ERBIN: variants seen among roughly 807,000 people sequenced by gnomAD.
The protein encoded by ERBIN is erbb2 interacting protein.
In ERBIN, 60 loss-of-function variants were observed where a neutral mutation model predicts 158.4. That is an observed-to-expected ratio of 0.38 (90% CI 0.31 to 0.47). ERBIN has a LOEUF of 0.47. Among genes scored for constraint, ERBIN ranks in the 20% least tolerant of loss-of-function variants. The probability of loss-of-function intolerance (pLI) is 0.99; values close to 1 mark genes in which losing one functional copy is unlikely to be tolerated. For synonymous variants in ERBIN, 594 were observed against 557.2 expected, an observed-to-expected ratio of 1.07 and a Z score of -0.93; for missense variants, 1,610 against 1,648.0, an observed-to-expected ratio of 0.98 and a Z score of 0.40.
intron 18 of ERBIN, among the ~76,000 whole-genome samples, chr5:66,047,759 A>G (rs1236653100): frequency 6.6e-6 from 1 of 152,024 alleles, no homozygotes; most frequent in Non-Finnish European, 1.5e-5. Flanking sequence ...ATATCACTCA[A>G]TACGCTATGG....
In ERBIN at chr5:66,025,777, T is replaced by C; in HGVS notation, c.891-71T>C. 4 of 1,125,720 alleles carry C rather than the reference T, an allele frequency of 3.6e-6. No individual in the cohort carries two copies. In the South Asian group the frequency reaches 7.4e-5, roughly 21 times the overall value. The allele number at this position is 1,125,720 out of a possible 1,614,324, so 69.7% of individuals were successfully genotyped here. On this transcript the variant is annotated intron_variant, in intron 11 of 25. Transcript: ENST00000284037. Reference sequence around the variant, plus strand: ...TCAAAGTCAAGTTCAAATGTTTATATGTTCTGAAATTTTGGATTATATATA... The same window carrying C: ...TCAAAGTCAAGTTCAAATGTTTATACGTTCTGAAATTTTGGATTATATATA...
At chr5:66,005,082 CTATA>C (rs761842113) in intron 4 of ERBIN, among the ~76,000 whole-genome samples, 1 of 144,518 alleles carries the variant, frequency 6.9e-6, no homozygotes, top group African/African-American at 2.8e-5. Flanking sequence ...TTTAATCTGT[CTATA>C]TATATATATA....
Position 66,075,189 on chromosome 5 carries a change from C to G in ERBIN, c.3922C>G (p.His1308Asp), listed in dbSNP as rs764905500. 6 of 1,614,132 alleles carry G rather than the reference C, an allele frequency of 3.7e-6. No homozygotes were observed. The highest frequency in any genetic ancestry group is 5.1e-6 in the Non-Finnish European group (6 of 1,180,032). Residue 1308 changes from histidine to aspartate, a missense_variant, in exon 23 of 26, where the codon CAT becomes GAT. This residue lies in a region of ERBIN where 1,014 missense variants were observed against 936.1 expected (regional missense o/e 1.08). Transcript: ENST00000284037. ...CCACCAGCCTCCATATACACAGCCC[C>G]ATTGTTCTCCTAGACAAGGCCATGA... is the stretch of plus-strand genomic sequence containing the variant. ...VAHQPPYTQPHCSPRQGHELA... is the reference protein window; with the variant it reads ...VAHQPPYTQPDCSPRQGHELA...
At chr5:66,055,075 C>G (rs1759457431) in intron 21 of ERBIN, 124 bp downstream of exon 21, 2 of 1,421,016 alleles carry the variant, frequency 1.4e-6, no homozygotes, top group Non-Finnish European at 1.8e-6. Flanking sequence ...TTCTCTGGTA[C>G]TGGGAATAGA....
At chr5:65,949,537 T>G (rs1488948956) in intron 1 of ERBIN, among the ~76,000 whole-genome samples, 2 of 152,240 alleles carry the variant, frequency 1.3e-5, no homozygotes, top group African/African-American at 2.4e-5. Context: ...CAGCTAATGT[T>G]CAGCCATTCC....
rs978625851 is a variant in ERBIN at position 65,972,853 on chromosome 5, T to C, written c.-57-15782T>C. Among the ~76,000 whole-genome samples the C allele has an allele frequency of 2.3e-4, 35 of 151,350 alleles. 3 individuals are homozygous for C. The highest frequency in any genetic ancestry group is 8.6e-4 in the African/African-American group (35 of 40,668). On this transcript the variant is annotated intron_variant, in intron 1 of 25. Coordinates refer to ENST00000284037, the MANE Select transcript of ERBIN (RefSeq NM_001253697.2). ...GAGTGATCTAGCTTTCTTTGGAAGG[T>C]TTTTGGTGTTCCTAATCATTCCCAG...
intron 4 of ERBIN, among the ~76,000 whole-genome samples, chr5:66,001,157 A>G (rs1391408197): frequency 6.6e-6 from 1 of 152,164 alleles, no homozygotes; most frequent in Non-Finnish European, 1.5e-5. Flanking sequence ...ATATTTTGAA[A>G]TTATTAAAAT....
chr5:66,032,288 A>G (rs1756970732), intron 14 of ERBIN, among the ~76,000 whole-genome samples: 1 of 152,216 alleles, frequency 6.6e-6, no homozygotes, highest in Non-Finnish European at 1.5e-5. Flanking sequence ...CTTATCAATT[A>G]TGAGTGGCTT....
Position 65,957,636 on chromosome 5 carries a change from A to G in ERBIN, c.-58+30830A>G, listed in dbSNP as rs139871548. ...CTTCTTTCCACACAGACACAGCAAC[A>G]ATCTGATTTCTCTATCCTTTCCCCA... On this transcript the variant is annotated intron_variant, in intron 1 of 25. Transcript: ENST00000284037. Among the ~76,000 whole-genome samples, 7 of 152,294 alleles carry G rather than the reference A, an allele frequency of 4.6e-5. No homozygotes were observed. The East Asian group carries it at 1.3e-3, about 29-fold the overall frequency.
chr5:66,024,111 A>G (rs1013158777), intron 9 of ERBIN, among the ~76,000 whole-genome samples, 195 bp from the exon 10 acceptor site: 3 of 152,216 alleles, frequency 2.0e-5, no homozygotes, highest in South Asian at 2.1e-4. Flanking sequence ...CACTTCTGCT[A>G]TGCTACAATT....
intron 1 of ERBIN, among the ~76,000 whole-genome samples, chr5:65,965,266 T>C (rs889304775): frequency 1.4e-4 from 21 of 152,098 alleles, no homozygotes; most frequent in African/African-American, 4.8e-4. Context: ...GTGTTCATTA[T>C]GTGGTGGTCA....
At chr5:65,930,057 A>C (rs1743179346) in intron 1 of ERBIN, among the ~76,000 whole-genome samples, 1 of 152,212 alleles carries the variant, frequency 6.6e-6, no homozygotes, top group East Asian at 1.9e-4. Context: ...TTAGCTTCCT[A>C]TATTTATAGT....
At chr5:65,936,556 GCCAGGGA>G (rs956572383) in intron 1 of ERBIN, among the ~76,000 whole-genome samples, 2 of 152,122 alleles carry the variant, frequency 1.3e-5, no homozygotes, top group African/African-American at 4.8e-5. Context: ...CCATTCCCAA[GCCAGGGA>G]CCCTAGGAGT....
chr5:65,963,459 A>C (rs1157358113), intron 1 of ERBIN, among the ~76,000 whole-genome samples: 1 of 152,058 alleles, frequency 6.6e-6, no homozygotes, highest in Non-Finnish European at 1.5e-5. Flanking sequence ...TTAGCTGGGC[A>C]TGGTGGCAGG....
intron 1 of ERBIN, among the ~76,000 whole-genome samples, chr5:65,987,220 G>GC (rs1483576894): frequency 6.6e-6 from 1 of 152,010 alleles, no homozygotes; most frequent in Admixed American, 6.6e-5. Context: ...ATTGAGCTGG[G>GC]CCCCTTACTG....
At position 66,021,544 on chromosome 5, in the gene ERBIN, G is replaced by A. The variant is rs183911059; in HGVS notation, c.597+159G>A. ...TTAGCCAGAACTTTCCAGACAGATAGAAAAATTAACCAGACAGATGAACTT... is the reference window on the plus strand; with the variant it reads ...TTAGCCAGAACTTTCCAGACAGATAAAAAAATTAACCAGACAGATGAACTT... On this transcript the variant is annotated intron_variant, in intron 8 of 25. Transcript: ENST00000284037. 7.2e-5 allele frequency among the ~76,000 whole-genome samples: 11 copies of A among 152,044 alleles called. 1 individual carries two copies. In the East Asian group the frequency reaches 2.1e-3, roughly 29 times the overall value.
intron 21 of ERBIN, among the ~76,000 whole-genome samples, chr5:66,059,815 G>A (rs1242646319): frequency 6.6e-6 from 1 of 152,122 alleles, no homozygotes; most frequent in East Asian, 1.9e-4. Context: ...TTTGTCTTTG[G>A]TTCTGTTTAT....
At chr5:65,945,493 C>T (rs1253352877) in intron 1 of ERBIN, among the ~76,000 whole-genome samples, 1 of 152,164 alleles carries the variant, frequency 6.6e-6, no homozygotes, top group East Asian at 1.9e-4. Flanking sequence ...TCCAGGAGCT[C>T]CTTTATGGTG....
chr5:66,024,716 T>G (rs1756050267), intron 10 of ERBIN, among the ~76,000 whole-genome samples: 1 of 152,170 alleles, frequency 6.6e-6, no homozygotes, highest in African/African-American at 2.4e-5. Flanking sequence ...TTGGCTTAAC[T>G]GTTAGCTTTT....
Sources: gnomAD v4.1 joint callset for allele counts (sites outside exome capture counted in the v4.1 genomes callset) on GRCh38, gnomAD v4.1.1 for gene constraint, gnomAD v4.1.1 regional missense constraint, MANE v1.5 for transcripts, NCBI Gene and HGNC (gene_info 2026-07-23, HGNC 2026-07-21) for gene names.